TAS2R1: variants seen among roughly 807,000 people sequenced by gnomAD.
TAS2R1 encodes the protein taste 2 receptor member 1, also known as taste receptor type 2 member 1.
For synonymous variants in TAS2R1, 141 were observed against 134.2 expected, an observed-to-expected ratio of 1.05 and a Z score of -0.35; for missense variants, 370 against 353.4, an observed-to-expected ratio of 1.05 and a Z score of -0.38.
chr5:9,829,336 ATACCATG>A, the TAS2R1 span, among the ~76,000 whole-genome samples: 3 of 152,234 alleles, frequency 2.0e-5, no homozygotes, highest in Non-Finnish European at 4.4e-5. Flanking sequence ...GCTCTTCACC[ATACCATG>A]GCAGGTGGGA....
the TAS2R1 span, among the ~76,000 whole-genome samples, chr5:9,758,424 G>A: frequency 4.7e-3 from 720 of 152,192 alleles, 5 homozygotes; most frequent in African/African-American, 0.016. Context: ...TACGAACTCC[G>A]TGGTCCAGAT....
the TAS2R1 span, among the ~76,000 whole-genome samples, chr5:9,786,309 T>C: frequency 1.3e-5 from 2 of 152,194 alleles, no homozygotes; most frequent in African/African-American, 2.4e-5. Flanking sequence ...TTAGGAGTAT[T>C]TGACAAAGAC....
At chr5:9,874,592 C>A in the TAS2R1 span, among the ~76,000 whole-genome samples, 1 of 152,172 alleles carries the variant, frequency 6.6e-6, no homozygotes, top group African/African-American at 2.4e-5. Flanking sequence ...CAAGACATTG[C>A]TGCCACAGGG....
intron 1 of TAS2R1, among the ~76,000 whole-genome samples, chr5:9,705,363 T>C (rs1015958156): frequency 6.6e-6 from 1 of 152,198 alleles, no homozygotes; most frequent in Non-Finnish European, 1.5e-5. Context: ...TGAGCATGCA[T>C]GTATTGCTTT....
chr5:9,672,640 G>C (rs1446766640), intron 1 of TAS2R1, among the ~76,000 whole-genome samples: 1 of 152,138 alleles, frequency 6.6e-6, no homozygotes, highest in East Asian at 1.9e-4. Flanking sequence ...AACAGATGCT[G>C]CCAATGTTGC....
the TAS2R1 span, among the ~76,000 whole-genome samples, chr5:9,824,846 A>G: frequency 7.6e-6 from 1 of 130,772 alleles, no homozygotes; most frequent in African/African-American, 3.6e-5. Flanking sequence ...AAAACTCTGA[A>G]AAAAAAAAAA....
At chr5:9,719,501 C>T in the TAS2R1 span, among the ~76,000 whole-genome samples, 4 of 152,216 alleles carry the variant, frequency 2.6e-5, 1 homozygote, top group African/African-American at 9.7e-5. Context: ...CTCCACTCTT[C>T]CACTGAAAAC....
chr5:9,779,043 T>C, the TAS2R1 span, among the ~76,000 whole-genome samples: 1 of 152,232 alleles, frequency 6.6e-6, no homozygotes, highest in African/African-American at 2.4e-5. Context: ...CATGTTGAAA[T>C]GTGACCTGCA....
the TAS2R1 span, among the ~76,000 whole-genome samples, chr5:9,770,408 G>A: frequency 6.6e-6 from 1 of 152,088 alleles, no homozygotes; most frequent in East Asian, 1.9e-4. Context: ...GTCTTTTGTG[G>A]TTCCATATAA....
chr5:9,847,274 C>T, the TAS2R1 span, among the ~76,000 whole-genome samples: 1 of 152,180 alleles, frequency 6.6e-6, no homozygotes, highest in Non-Finnish European at 1.5e-5. Flanking sequence ...TTGTCCTATG[C>T]CTGATCTTAC....
chr5:9,649,190 G>A (rs1189690462), intron 2 of TAS2R1, among the ~76,000 whole-genome samples: 2 of 152,056 alleles, frequency 1.3e-5, no homozygotes, highest in African/African-American at 4.8e-5. Flanking sequence ...GAACAAAACC[G>A]GGAAGCTACC....
chr5:9,894,509 C>G, the TAS2R1 span, among the ~76,000 whole-genome samples: 2 of 152,196 alleles, frequency 1.3e-5, no homozygotes, highest in Non-Finnish European at 2.9e-5. Flanking sequence ...GAGAGGCCAG[C>G]CATCTGCAAA....
the TAS2R1 span, among the ~76,000 whole-genome samples, chr5:9,737,038 C>T: frequency 0.047 from 7,125 of 152,268 alleles, 492 homozygotes; most frequent in East Asian, 0.18. Context: ...ACATCTTCTA[C>T]CCTTTCTCAT....
the TAS2R1 span, among the ~76,000 whole-genome samples, chr5:9,899,925 G>A: frequency 6.6e-6 from 1 of 152,118 alleles, no homozygotes; most frequent in African/African-American, 2.4e-5. Context: ...AATCGATTTG[G>A]TTGTTCCCAG....
chr5:9,749,184 G>A, the TAS2R1 span, among the ~76,000 whole-genome samples: 1 of 152,122 alleles, frequency 6.6e-6, no homozygotes, highest in East Asian at 1.9e-4. Context: ...AATGAACATA[G>A]GGGAAGAACT....
chr5:9,891,568 C>T, the TAS2R1 span, among the ~76,000 whole-genome samples: 1 of 152,038 alleles, frequency 6.6e-6, no homozygotes, highest in Admixed American at 6.6e-5. Context: ...CATTGGCCCT[C>T]CCTCTGCTAA....
At chr5:9,726,853 C>G in the TAS2R1 span, among the ~76,000 whole-genome samples, 1 of 152,180 alleles carries the variant, frequency 6.6e-6, no homozygotes, top group Non-Finnish European at 1.5e-5. Flanking sequence ...AGCCATTTTC[C>G]TTTTGATAAG....
the TAS2R1 span, among the ~76,000 whole-genome samples, chr5:9,844,763 C>CA: frequency 2.0e-5 from 3 of 151,830 alleles, no homozygotes; most frequent in East Asian, 1.9e-4. Flanking sequence ...AACTTTTCTA[C>CA]AAAAAAAGTA....
chr5:9,711,047 A>G (rs1741725552), intron 1 of TAS2R1, among the ~76,000 whole-genome samples: 1 of 151,038 alleles, frequency 6.6e-6, no homozygotes, highest in African/African-American at 2.4e-5. Context: ...ACCCTTGTGC[A>G]TTGTTGATGG....
Sources: allele counts gnomAD v4.1 joint callset (sites outside exome capture counted in the v4.1 genomes callset), GRCh38; gene constraint gnomAD v4.1.1; transcripts MANE v1.5; gene names NCBI Gene and HGNC (gene_info 2026-07-23, HGNC 2026-07-21).